SF3A1: variants seen among roughly 807,000 people sequenced by gnomAD.
SF3A1 encodes the protein SAP 114.
Under a neutral mutation model 89.9 loss-of-function variants are expected in SF3A1, and 13 were observed. That is an observed-to-expected ratio of 0.14 (90% CI 0.09 to 0.23). SF3A1 has a LOEUF of 0.23. Among genes scored for constraint, SF3A1 ranks in the 10% least tolerant of loss-of-function variants. SF3A1 has a pLI of 1.00. For synonymous variants in SF3A1, 405 were observed against 374.4 expected (o/e 1.08, Z -0.94); for missense variants, 604 against 1,022.1 (o/e 0.59, Z 5.58).
intron 11 of SF3A1, among the ~76,000 whole-genome samples, chr22:30,338,322 G>A (rs1931140094): frequency 6.6e-6 from 1 of 152,088 alleles, no homozygotes; most frequent in African/African-American, 2.4e-5. Flanking sequence ...GCTGGGCATG[G>A]TGGCGCATCC....
In SF3A1 at chr22:30,335,747, C is replaced by T. The variant is rs1323916003; in HGVS notation, c.2113G>A (p.Val705Met). ...EEFLRRNKGP[V>M]SIKVQVPNMQ... is the part of the protein sequence containing the mutation. The stretch of plus-strand genomic sequence containing the variant: ...TTGGGCACCTGGACTTTGATGGACA[C>T]TGGACCCTACAAAACAGGAGGTGGT... The change falls in exon 14 of 16, where the codon GTG becomes ATG. Residue 705 changes from valine to methionine, a missense_variant. Physicochemically the swap from Val to Met is conservative, Grantham distance 21. Transcript: ENST00000215793. The T allele has an allele frequency of 6.2e-7, 1 of 1,613,968 alleles. No individual in the cohort carries two copies. Among genetic ancestry groups the T allele is most frequent in the Non-Finnish European group, 8.5e-7 (1 of 1,179,830 alleles).
chr22:30,337,256 G>C (rs764316787), intron 12 of SF3A1, 76 bp from the exon 13 acceptor site: 13 of 1,399,960 alleles, frequency 9.3e-6, no homozygotes, highest in Non-Finnish European at 1.3e-5. Context: ...GAAGTTGAGA[G>C]GGAAGGTTGC....
At chr22:30,341,919 A>T in intron 6 of SF3A1, 34 bp from the exon 7 acceptor site, 1 of 1,591,880 alleles carries the variant, frequency 6.3e-7, no homozygotes, top group Non-Finnish European at 8.5e-7. Context: ...GGTATTCCTT[A>T]TCAAAGACCC....
At chr22:30,349,614 C>G (rs2145818932) in intron 2 of SF3A1, among the ~76,000 whole-genome samples, 1 of 151,728 alleles carries the variant, frequency 6.6e-6, no homozygotes, top group East Asian at 1.9e-4. Context: ...AAAGCAATCA[C>G]CATAGCTAAA....
intron 2 of SF3A1, among the ~76,000 whole-genome samples, chr22:30,350,353 G>A (rs1199705573): frequency 1.3e-5 from 2 of 151,338 alleles, no homozygotes; most frequent in East Asian, 3.9e-4. Flanking sequence ...GTGGTGGCAG[G>A]CACCTGTAGT....
chr22:30,345,298 C>T, intron 3 of SF3A1, 108 bp from the exon 4 acceptor site: 9 of 1,037,314 alleles, frequency 8.7e-6, no homozygotes, highest in South Asian at 3.1e-5. Flanking sequence ...TGCTGTGAAC[C>T]TCTAGACTTC....
intron 2 of SF3A1, among the ~76,000 whole-genome samples, chr22:30,351,760 A>G (rs766956100): frequency 6.6e-6 from 1 of 152,236 alleles, no homozygotes; most frequent in Admixed American, 6.5e-5. Context: ...GGGCTCCCAA[A>G]GTGCTAGGAT....
intron 13 of SF3A1, among the ~76,000 whole-genome samples, chr22:30,335,995 A>C (rs139024286): frequency 1.3e-5 from 2 of 152,330 alleles, no homozygotes; most frequent in East Asian, 3.9e-4. Flanking sequence ...GCTAAACTGA[A>C]GAACTTTAGT....
intron 2 of SF3A1, among the ~76,000 whole-genome samples, chr22:30,351,172 G>T (rs5997614): frequency 6.6e-6 from 1 of 152,102 alleles, no homozygotes; most frequent in Non-Finnish European, 1.5e-5. Context: ...GGTGGCGCAC[G>T]CCTGTTGTCC....
chr22:30,344,426 G>A (rs1010368554), intron 4 of SF3A1, among the ~76,000 whole-genome samples: 1 of 152,220 alleles, frequency 6.6e-6, no homozygotes. Flanking sequence ...AAGAACCAAA[G>A]TTTTAGGGTC....
rs1039809437 is a variant in SF3A1 at position 30,334,372 on chromosome 22, A to G, written c.*222T>C. 3 of 429,036 alleles carry G rather than the reference A, an allele frequency of 7.0e-6. No individual in the cohort carries two copies. Among genetic ancestry groups the G allele is most frequent in the Non-Finnish European group, 8.2e-6 (2 of 242,520 alleles). 26.6% of individuals were successfully genotyped at this position (429,036 alleles called of 1,614,324 possible). ...TCCTCAAATCGAGACCCTAACACAA[A>G]GAGATTCCAGAGAGTGGCTTAGAAA... On this transcript the variant is annotated 3_prime_UTR_variant, in exon 16 of 16. Coordinates refer to ENST00000215793, the MANE Select transcript of SF3A1 (RefSeq NM_005877.6).
chr22:30,340,120 G>A, intron 9 of SF3A1, 76 bp downstream of exon 9: 1 of 1,303,412 alleles, frequency 7.7e-7, no homozygotes, highest in Non-Finnish European at 1.0e-6. Flanking sequence ...CTCAATTGTT[G>A]CTTTCTATGT....
intron 13 of SF3A1, 24 bp downstream of exon 13, chr22:30,337,002 C>T (rs758654650): frequency 1.2e-6 from 2 of 1,614,028 alleles, no homozygotes; most frequent in South Asian, 2.2e-5. Context: ...CTAGAAACTT[C>T]AGCAGCATTC....
chr22:30,342,706 T>A, intron 5 of SF3A1, 99 bp downstream of exon 5: 1 of 833,102 alleles, frequency 1.2e-6, no homozygotes, highest in East Asian at 2.4e-5. Flanking sequence ...ACCATTCCCA[T>A]GACTGGAACA....
intron 12 of SF3A1, 34 bp downstream of exon 12, chr22:30,337,656 T>A: frequency 9.9e-7 from 1 of 1,007,522 alleles, no homozygotes; most frequent in Non-Finnish European, 1.5e-6. Flanking sequence ...GTCCCTGAAC[T>A]AATGGCCTGG....
At chr22:30,352,927 G>T in intron 2 of SF3A1, 24 bp downstream of exon 2, 1 of 1,613,288 alleles carries the variant, frequency 6.2e-7, no homozygotes, top group South Asian at 1.1e-5. Flanking sequence ...ACCCACCTCT[G>T]ACCCACCCAA....
chr22:30,355,944 T>C (rs897326689), intron 1 of SF3A1, among the ~76,000 whole-genome samples: 9 of 151,926 alleles, frequency 5.9e-5, no homozygotes, highest in East Asian at 1.9e-4. Context: ...CTCCTATTCC[T>C]TCTTCTAAAA....
chr22:30,356,250 CCTGGCACGGTGT>C (rs1251951085), intron 1 of SF3A1, among the ~76,000 whole-genome samples: 1 of 152,152 alleles, frequency 6.6e-6, no homozygotes, highest in African/African-American at 2.4e-5. Flanking sequence ...AATGTGGGAG[CCTGGCACGGTGT>C]CTGGCTTGGG....
intron 9 of SF3A1, 119 bp from the exon 10 acceptor site, chr22:30,339,370 T>C (rs1049249102): frequency 8.1e-6 from 10 of 1,231,220 alleles, no homozygotes; most frequent in African/African-American, 3.0e-5. Context: ...TGAGGGTGAC[T>C]CAGGGCCCCA....
Sources: gnomAD v4.1 joint callset for allele counts (sites outside exome capture counted in the v4.1 genomes callset) on GRCh38, gnomAD v4.1.1 for gene constraint, MANE v1.5 for transcripts, NCBI Gene and HGNC (gene_info 2026-07-23, HGNC 2026-07-21) for gene names.